The following DMD variants were observed in gnomAD, a reference collection of about 807,000 sequenced individuals.
DMD encodes the protein mutant dystrophin.
A neutral mutation model predicts 330.1 loss-of-function variants in DMD; 63 were observed. The observed-to-expected ratio is 0.19, with a 90% confidence interval of 0.16 to 0.24. DMD has a LOEUF of 0.24. Among genes scored for constraint, DMD ranks in the 10% least tolerant of loss-of-function variants. The probability of loss-of-function intolerance (pLI) is 1.00; values close to 1 mark genes in which losing one functional copy is unlikely to be tolerated. For synonymous variants in DMD, 1,223 were observed against 959.8 expected (o/e 1.27, Z -5.07); for missense variants, 3,344 against 2,684.1 (o/e 1.25, Z -5.43).
At chrX:33,049,891 G>T (rs1246906202) in intron 1 of DMD, among the ~76,000 whole-genome samples, 1 of 111,127 alleles carries the variant, frequency 9.0e-6, no homozygotes, top group African/African-American at 3.3e-5. Flanking sequence ...CAATATAATT[G>T]ACTTAGTTCT....
intron 44 of DMD, among the ~76,000 whole-genome samples, chrX:32,149,141 C>T (rs2096792502): frequency 9.0e-6 from 1 of 111,695 alleles, no homozygotes; most frequent in Non-Finnish European, 1.9e-5. Flanking sequence ...TTAAATTGAT[C>T]TGCTGAGTCC....
At chrX:32,618,314 T>C (rs780666391) in intron 11 of DMD, among the ~76,000 whole-genome samples, 5 of 112,161 alleles carry the variant, frequency 4.5e-5, no homozygotes, top group African/African-American at 6.5e-5. Context: ...ACACATACCA[T>C]GGAATACTAT....
intron 6 of DMD, among the ~76,000 whole-genome samples, chrX:32,813,554 AAAT>A (rs2077517593): frequency 8.9e-6 from 1 of 112,163 alleles, no homozygotes; most frequent in Non-Finnish European, 1.9e-5. Flanking sequence ...GGTGTCTACA[AAAT>A]AATAATTGTT....
intron 44 of DMD, among the ~76,000 whole-genome samples, chrX:32,046,895 G>A (rs1348621698): frequency 9.0e-6 from 1 of 111,104 alleles, no homozygotes; most frequent in South Asian, 3.7e-4. Flanking sequence ...ATTATTTTGC[G>A]TAATTCCCTA....
At chrX:32,578,475 G>A (rs910483540) in intron 13 of DMD, among the ~76,000 whole-genome samples, 4 of 112,057 alleles carry the variant, frequency 3.6e-5, no homozygotes, top group Non-Finnish European at 5.6e-5. Flanking sequence ...TCCATGCTCA[G>A]ATCCACAACG....
chrX:33,201,764 T>G (rs1373839831), intron 1 of DMD, among the ~76,000 whole-genome samples: 1 of 112,605 alleles, frequency 8.9e-6, no homozygotes. Flanking sequence ...TTTTTTACAA[T>G]ACTAAATCAT....
At chrX:32,241,831 T>C (rs919455617) in intron 43 of DMD, among the ~76,000 whole-genome samples, 5 of 111,463 alleles carry the variant, frequency 4.5e-5, no homozygotes. Flanking sequence ...GGATTAGAAA[T>C]CTCTAATCAT....
intron 2 of DMD, among the ~76,000 whole-genome samples, chrX:32,920,427 A>T (rs1319845821): frequency 9.0e-6 from 1 of 111,599 alleles, no homozygotes; most frequent in Non-Finnish European, 1.9e-5. Flanking sequence ...ATTGTGAATA[A>T]ATAAATGCAG....
At chrX:32,527,033 G>T (rs2046994792) in intron 17 of DMD, among the ~76,000 whole-genome samples, 1 of 111,966 alleles carries the variant, frequency 8.9e-6, no homozygotes, top group South Asian at 3.7e-4. Context: ...AGTGAACTAG[G>T]TTTATGAATG....
At chrX:32,419,696 A>G (rs1771513064) in intron 29 of DMD, among the ~76,000 whole-genome samples, 1 of 112,369 alleles carries the variant, frequency 8.9e-6, no homozygotes, top group African/African-American at 3.2e-5. Context: ...CTTTACCAGG[A>G]AAGAATATAA....
rs187057370 is a variant in DMD at position 31,723,904 on chromosome X, T to C, written c.7660+5727A>G. Among the ~76,000 whole-genome samples, 4 of 111,925 alleles carry C rather than the reference T, an allele frequency of 3.6e-5. No individual in the cohort carries two copies. The East Asian group carries it at 1.1e-3, about 31-fold the overall frequency. On this transcript the variant is annotated intron_variant, in intron 52 of 78. Transcript: ENST00000357033. ...TAATACTGCTCTACTGAAGCACCTATCCTAAACTGCCTTGCCTAAATATAC... is the reference window on the plus strand; with the variant it reads ...TAATACTGCTCTACTGAAGCACCTACCCTAAACTGCCTTGCCTAAATATAC...
intron 60 of DMD, among the ~76,000 whole-genome samples, chrX:31,422,069 GAC>G (rs1205350770): frequency 1.1e-5 from 1 of 89,868 alleles, no homozygotes; most frequent in African/African-American, 4.4e-5. Context: ...TTCTTTTTGA[GAC>G]AGAGTCTTAC....
At chrX:32,358,778 A>G (rs1051471683) in intron 37 of DMD, among the ~76,000 whole-genome samples, 3 of 110,999 alleles carry the variant, frequency 2.7e-5, no homozygotes, top group Non-Finnish European at 5.7e-5. Context: ...ATTTTTTTCC[A>G]TCAGTTTTTG....
chrX:31,522,359 C>CTATATATATATATATATATA (rs1163138588), intron 55 of DMD, among the ~76,000 whole-genome samples: 5 of 53,995 alleles, frequency 9.3e-5, no homozygotes, highest in Non-Finnish European at 9.1e-5. Context: ...CTCTCTCTCT[C>CTATATATATATATATATATA]TCTCTATATA....
At chrX:31,834,200 T>G (rs2093138871) in intron 49 of DMD, among the ~76,000 whole-genome samples, 1 of 111,515 alleles carries the variant, frequency 9.0e-6, no homozygotes, top group Non-Finnish European at 1.9e-5. Flanking sequence ...AAAAATAAAT[T>G]TTTGATCCAT....
intron 43 of DMD, among the ~76,000 whole-genome samples, chrX:32,240,007 A>G (rs1358955080): frequency 9.0e-6 from 1 of 111,295 alleles, no homozygotes; most frequent in Admixed American, 9.6e-5. Flanking sequence ...TTTTTTCCCA[A>G]TATTTCTGCT....
At chrX:32,885,829 A>AGGG (rs1569539053) in intron 2 of DMD, among the ~76,000 whole-genome samples, 10 of 92,479 alleles carry the variant, frequency 1.1e-4, no homozygotes, top group African/African-American at 3.7e-4. Flanking sequence ...TTGAGGGGGA[A>AGGG]AAAAAAAAAA....
intron 4 of DMD, among the ~76,000 whole-genome samples, chrX:32,840,771 T>G (rs1315554676): frequency 4.5e-5 from 5 of 112,328 alleles, no homozygotes; most frequent in African/African-American, 1.6e-4. Context: ...ATTTGGTCAT[T>G]TTCATTGCTC....
chrX:33,004,531 G>A (rs368554837), intron 2 of DMD, among the ~76,000 whole-genome samples: 22 of 111,144 alleles, frequency 2.0e-4, no homozygotes, highest in African/African-American at 7.2e-4. Flanking sequence ...TAATATGATA[G>A]TTTTCCCTAA....
Sources: gnomAD v4.1 joint callset for allele counts (sites outside exome capture counted in the v4.1 genomes callset) on GRCh38, gnomAD v4.1.1 for gene constraint, MANE v1.5 for transcripts, NCBI Gene and HGNC (gene_info 2026-07-23, HGNC 2026-07-21) for gene names.